CD300LG: variants seen among roughly 807,000 people sequenced by gnomAD.
CD300LG encodes CD300 molecule like family member g, also known as CMRF35-like molecule 9.
A neutral mutation model predicts 31.5 loss-of-function variants in CD300LG; 29 were observed. The observed-to-expected ratio is 0.92, with a 90% CI of 0.68 to 1.25. The LOEUF is 1.25. CD300LG is among the 50% of genes most tolerant of loss of function. The pLI is 0.00. For synonymous variants in CD300LG, 175 were observed against 177.2 expected (o/e 0.99, Z 0.10); for missense variants, 396 against 417.6 (o/e 0.95, Z 0.45).
rs769171631 is a variant in CD300LG, at chr17:43,853,859, G to A, written c.534G>A (p.Gly178=). 8.1e-6 allele frequency: 13 copies of A among 1,614,098 alleles called. No individual in the cohort carries two copies. The highest frequency in any genetic ancestry group is 1.1e-5 in the Non-Finnish European group (13 of 1,180,008). The change falls in exon 4 of 7, where the codon GGG becomes GGA. Residue 178 remains glycine (G), a synonymous_variant. Coordinates refer to ENST00000317310, the MANE Select transcript of CD300LG (RefSeq NM_145273.4). ...AATTAKQGKT[G]AEAPPLPGTS... ...CCACAGCCAAGCAGGGGAAGACAGG[G>A]GCTGAGGCCCCTCCATTGCCAGGGA...
chr17:43,858,729 T>G (rs1301012910), intron 6 of CD300LG: 1 of 984,310 alleles, frequency 1.0e-6, no homozygotes, highest in Non-Finnish European at 1.2e-6. Context: ...GGAGATGGAA[T>G]TGAAGGGGTT....
At position 43,847,772 on chromosome 17, in the gene CD300LG, T is replaced by TACAA. The variant is rs145457270; in HGVS notation, c.43+539_43+542dup. On this transcript the variant is annotated intron_variant, in intron 1 of 6. Transcript: ENST00000317310. Reference sequence around the variant, plus strand: ...GTTGGCAATAGTGAGACCCCATCTCTACAAACAAACAAACAAACAAACAAA... The same window carrying TACAA: ...GTTGGCAATAGTGAGACCCCATCTCTACAAACAAACAAACAAACAAACAAACAAA... Among the ~76,000 whole-genome samples the TACAA allele has an allele frequency of 6.6e-3, 1,011 of 152,112 alleles. 9 individuals are homozygous for TACAA. The highest frequency in any genetic ancestry group is 0.021 in the African/African-American group (878 of 41,482).
At position 43,862,082 on chromosome 17, in the gene CD300LG, G is replaced by C; in HGVS notation, c.*171G>C. Reference sequence around the variant, plus strand: ...GCATGTTCCAGCCTGACCTAGAAGCGTTTGTCAGCCCTGGAGCCCAGAGCG... The same window carrying C: ...GCATGTTCCAGCCTGACCTAGAAGCCTTTGTCAGCCCTGGAGCCCAGAGCG... On this transcript the variant is annotated 3_prime_UTR_variant, in exon 7 of 7. Coordinates refer to ENST00000317310, the MANE Select transcript of CD300LG (RefSeq NM_145273.4). The C allele has an allele frequency of 2.0e-6, 1 of 504,308 alleles. No individual in the cohort carries two copies. The highest frequency in any genetic ancestry group is 3.5e-6 in the Non-Finnish European group (1 of 287,192). The allele number at this position is 504,308 out of a possible 1,614,324, so 31.2% of individuals were successfully genotyped here. A position where few individuals can be genotyped will look rare whatever the true frequency, so the allele number is the denominator to read the frequency against.
intron 6 of CD300LG, chr17:43,857,979 C>T: frequency 1.3e-6 from 2 of 1,507,300 alleles, no homozygotes; most frequent in South Asian, 2.5e-5. Context: ...CCCTCCGAGG[C>T]CAGCACTCCA....
chr17:43,860,031 C>G (rs1457401875), intron 6 of CD300LG, among the ~76,000 whole-genome samples: 2 of 152,230 alleles, frequency 1.3e-5, no homozygotes, highest in African/African-American at 4.8e-5. Flanking sequence ...CCACCACACC[C>G]AGGCTTCATC....
At chr17:43,847,394 T>TGGGGGGGGGGGGGGGGGG in intron 1 of CD300LG, 135 bp downstream of exon 1, 16 of 311,056 alleles carry the variant, frequency 5.1e-5, no homozygotes, top group East Asian at 2.3e-4. Flanking sequence ...CGGGGCGGGC[T>TGGGGGGGGGGGGGGGGGG]GGGGGTGGGG....
At chr17:43,858,371 AC>A in intron 6 of CD300LG, 1 of 991,588 alleles carries the variant, frequency 1.0e-6, no homozygotes, top group Non-Finnish European at 1.2e-6. Context: ...CCTGGGTCTC[AC>A]CCCACCTAGC....
intron 6 of CD300LG, chr17:43,857,427 T>A (rs1222833609): frequency 6.5e-7 from 1 of 1,537,142 alleles, no homozygotes; most frequent in Admixed American, 2.0e-5. Context: ...CATGTGAGCA[T>A]CTTCTCCAGG....
chr17:43,855,256 A>T lies in CD300LG; in HGVS notation c.769A>T (p.Ser257Cys). Residue 257 changes from serine (S) to cysteine (C), a missense_variant, in exon 5 of 7, where the codon AGC (serine) becomes TGC (cysteine). Physicochemically the swap from Ser to Cys is moderately radical, Grantham distance 112. Coordinates refer to ENST00000317310, the MANE Select transcript of CD300LG (RefSeq NM_145273.4). ...RILAPVLVLL[S>C]LLSAAGLIAF... ...ACTGGCCCCAGTCCTGGTGCTGCTG[A>T]GCCTTCTGTCAGCCGCAGGCCTGAT... 6.2e-7 allele frequency: 1 copy of T among 1,610,292 alleles called. No individual in the cohort carries two copies. Among genetic ancestry groups the T allele is most frequent in the East Asian group, 2.2e-5 (1 of 44,718 alleles).
intron 2 of CD300LG, 65 bp downstream of exon 2, chr17:43,848,958 T>TG: frequency 3.7e-6 from 5 of 1,353,386 alleles, no homozygotes; most frequent in Non-Finnish European, 5.2e-6. Context: ...GGAGGGGTGG[T>TG]GGGGCATAAT....
chr17:43,850,262 A>G (rs1243272059), intron 2 of CD300LG, among the ~76,000 whole-genome samples: 3 of 152,084 alleles, frequency 2.0e-5, no homozygotes, highest in Non-Finnish European at 4.4e-5. Flanking sequence ...CCCATGGCCA[A>G]TTTCCAGCCA....
rs2046435040 is a variant in CD300LG at position 43,853,933 on chromosome 17, C to G, written c.608C>G (p.Pro203Arg). The change falls in exon 4 of 7, where the codon CCT becomes CGT. Residue 203 changes from proline to arginine, a missense_variant. Transcript: ENST00000317310. ...ACTTCTCAGTACACAGGAACCTCTC[C>G]TCACCCAGCGACCTCTCCTCCTGCA... ...ERTSQYTGTS[P>R]HPATSPPAGS... The G allele has an allele frequency of 6.2e-7, 1 of 1,614,154 alleles. No homozygotes were observed. Among genetic ancestry groups the G allele is most frequent in the Non-Finnish European group, 8.5e-7 (1 of 1,180,006 alleles).
At chr17:43,860,683 G>T (rs1179804295) in intron 6 of CD300LG, among the ~76,000 whole-genome samples, 1 of 152,240 alleles carries the variant, frequency 6.6e-6, no homozygotes, top group African/African-American at 2.4e-5. Context: ...ATCATCTCAA[G>T]AATGTTTCAT....
chr17:43,857,732 G>A, intron 6 of CD300LG: 4 of 1,503,596 alleles, frequency 2.7e-6, no homozygotes, highest in Non-Finnish European at 3.6e-6. Context: ...CACAGCAGGT[G>A]GTGGCCCAAA....
At position 43,847,242 on chromosome 17, in the gene CD300LG, G is replaced by T; in HGVS notation, c.26G>T (p.Gly9Val). The change falls in exon 1 of 7, where the codon GGT becomes GTT. Residue 9 changes from glycine (G) to valine (V), a missense_variant. Physicochemically the swap from Gly to Val is moderately radical, Grantham distance 109. Coordinates refer to ENST00000317310, the MANE Select transcript of CD300LG (RefSeq NM_145273.4). MRLLVLLW[G>V]CLLLPGYEAL... ...ATGCGGCTTCTGGTCCTGCTATGGG[G>T]TTGCCTGCTGCTCCCAGGTGAGATG... is the stretch of plus-strand genomic sequence containing the variant. The T allele has an allele frequency of 6.2e-7, 1 of 1,613,990 alleles. No individual in the cohort carries two copies. The highest frequency in any genetic ancestry group is 8.5e-7 in the Non-Finnish European group (1 of 1,179,940).
intron 6 of CD300LG, among the ~76,000 whole-genome samples, chr17:43,860,333 G>A (rs1180328606): frequency 2.0e-5 from 3 of 152,204 alleles, no homozygotes; most frequent in Non-Finnish European, 4.4e-5. Flanking sequence ...TTGTAAATAG[G>A]AAAGAGTGAG....
chr17:43,854,079 C>G (rs1403985160), intron 4 of CD300LG, 35 bp downstream of exon 4: 10 of 1,503,884 alleles, frequency 6.6e-6, no homozygotes, highest in Non-Finnish European at 9.2e-6. Flanking sequence ...CCTTTCAAGC[C>G]ATCACTAAAC....
chr17:43,856,159 A>G (rs1373315777), intron 5 of CD300LG, among the ~76,000 whole-genome samples: 1 of 152,092 alleles, frequency 6.6e-6, no homozygotes, highest in Non-Finnish European at 1.5e-5. Flanking sequence ...TATCCCAAAC[A>G]TTATCATTTT....
At chr17:43,848,189 C>T (rs779908229) in intron 1 of CD300LG, among the ~76,000 whole-genome samples, 1 of 151,950 alleles carries the variant, frequency 6.6e-6, no homozygotes, top group Admixed American at 6.6e-5. Flanking sequence ...TTTCAGTGAG[C>T]AGACATCGGG....
Sources: allele counts gnomAD v4.1 joint callset (sites outside exome capture counted in the v4.1 genomes callset), GRCh38; gene constraint gnomAD v4.1.1; transcripts MANE v1.5; gene names NCBI Gene and HGNC (gene_info 2026-07-23, HGNC 2026-07-21).